Variants in SPECC1L observed in about 807,000 individuals in gnomAD.
SPECC1L encodes the protein sperm antigen with calponin homology and coiled-coil domains 1 like.
In SPECC1L, 40 loss-of-function variants were observed where a neutral mutation model predicts 116.8. The observed-to-expected ratio is 0.34, with a 90% confidence interval of 0.27 to 0.45. The LOEUF is 0.45. Ranked by LOEUF, SPECC1L falls within the 20% of genes least tolerant of loss-of-function variation. The pLI, the probability that SPECC1L is intolerant of heterozygous loss-of-function variation, is 1.00. For synonymous variants in SPECC1L, 504 were observed against 500.6 expected (o/e 1.01, Z -0.09); for missense variants, 1,110 against 1,373.6 (o/e 0.81, Z 3.03).
At chr22:24,346,709 T>C (rs1395528680) in intron 10 of SPECC1L, among the ~76,000 whole-genome samples, 1 of 152,154 alleles carries the variant, frequency 6.6e-6, no homozygotes, top group African/African-American at 2.4e-5. Flanking sequence ...TTATCTTGAC[T>C]GTATCAGTAA....
At chr22:24,392,582 G>A (rs2042292455) in intron 14 of SPECC1L, among the ~76,000 whole-genome samples, 1 of 152,188 alleles carries the variant, frequency 6.6e-6, no homozygotes, top group Admixed American at 6.5e-5. Flanking sequence ...ATGCCCTGTT[G>A]CTGCCTCATG....
chr22:24,395,307 G>A (rs1055541933), intron 14 of SPECC1L, among the ~76,000 whole-genome samples: 2 of 152,072 alleles, frequency 1.3e-5, no homozygotes, highest in African/African-American at 2.4e-5. Flanking sequence ...TTCCCAATAC[G>A]ATGTGAGGTA....
rs1001869530 is a variant in SPECC1L, at chr22:24,415,045, G to T, written c.*422G>T. On this transcript the variant is annotated 3_prime_UTR_variant, in exon 17 of 17. Coordinates refer to ENST00000314328, the MANE Select transcript of SPECC1L (RefSeq NM_015330.6). ...GCGGCACTTCCTGACTATTGGCTGG[G>T]GTGGGTTCCGGTGCTGGTGAGAACC... 2.4e-5 allele frequency: 6 copies of T among 249,810 alleles called. No individual in the cohort carries two copies. The highest frequency in any genetic ancestry group is 3.2e-5 in the Non-Finnish European group (4 of 124,286). 15.5% of individuals were successfully genotyped at this position (249,810 alleles called of 1,614,324 possible).
In SPECC1L at chr22:24,322,286, G is replaced by A. The variant is rs1413701082; in HGVS notation, c.1306G>A (p.Glu436Lys). Residue 436 changes from glutamate to lysine, a missense_variant, in exon 5 of 17, where the codon GAA becomes AAA. Glu to Lys is a moderately conservative substitution (Grantham distance 56, BLOSUM62 1). This residue lies in a region of SPECC1L where 22 missense variants were observed against 60.1 expected (regional missense o/e 0.37). Transcript: ENST00000314328. ...QITQELNSENERLGEEKVILM... is the reference protein window; with the variant it reads ...QITQELNSENKRLGEEKVILM... The stretch of plus-strand genomic sequence containing the variant: ...TACCCAGGAACTGAATAGTGAAAAC[G>A]AAAGGCTTGGAGAAGAGAAGGTTAT... The A allele has an allele frequency of 6.2e-7, 1 of 1,614,200 alleles. No individual in the cohort carries two copies. The highest frequency in any genetic ancestry group is 8.5e-7 in the Non-Finnish European group (1 of 1,180,048).
At position 24,414,740 on chromosome 22, in the gene SPECC1L, A is replaced by T; in HGVS notation, c.*117A>T. On this transcript the variant is annotated 3_prime_UTR_variant, in exon 17 of 17. Transcript: ENST00000314328. ...TTCCAGCAACTCTGGGCTGCCCCAC[A>T]GCGTGTGAGCCTCCAGCTCGGGGCT... The T allele has an allele frequency of 1.2e-6, 1 of 854,782 alleles. No individual in the cohort carries two copies. Among genetic ancestry groups the T allele is most frequent in the Non-Finnish European group, 1.9e-6 (1 of 523,520 alleles). 52.9% of individuals were successfully genotyped at this position (854,782 alleles called of 1,614,324 possible).
At chr22:24,305,053 A>G (rs2049463942) in intron 3 of SPECC1L, among the ~76,000 whole-genome samples, 1 of 152,232 alleles carries the variant, frequency 6.6e-6, no homozygotes, top group Admixed American at 6.5e-5. Context: ...ACATGCCTTT[A>G]CAGAATTTTG....
chr22:24,350,177 T>G (rs1318062698), intron 11 of SPECC1L, among the ~76,000 whole-genome samples: 1 of 152,084 alleles, frequency 6.6e-6, no homozygotes, highest in East Asian at 1.9e-4. Context: ...AGCAAGGCCC[T>G]AAGTACCATA....
chr22:24,284,595 C>T lies in SPECC1L; in HGVS notation c.-38+7792C>T, dbSNP rs534071198. ...GACTACAGGCACCCACTACCACATCCGGCTAATTTTTTTGTATTTTTAGTA... is the reference window on the plus strand; with the variant it reads ...GACTACAGGCACCCACTACCACATCTGGCTAATTTTTTTGTATTTTTAGTA... On this transcript the variant is annotated intron_variant, in intron 2 of 16. Transcript: ENST00000314328. 2.0e-4 allele frequency among the ~76,000 whole-genome samples: 30 copies of T among 152,074 alleles called. No individual in the cohort carries two copies. The East Asian group carries it at 4.8e-3, about 25-fold the overall frequency.
At chr22:24,409,004 G>A (rs1030843473) in intron 14 of SPECC1L, among the ~76,000 whole-genome samples, 7 of 152,232 alleles carry the variant, frequency 4.6e-5, no homozygotes, top group African/African-American at 1.7e-4. Context: ...GCAGCTCTGA[G>A]CCTGGGTTCC....
chr22:24,352,745 A>G (rs2041451650), intron 11 of SPECC1L, among the ~76,000 whole-genome samples: 1 of 152,174 alleles, frequency 6.6e-6, no homozygotes, highest in South Asian at 2.1e-4. Flanking sequence ...TTTACAGTCT[A>G]ATTGGATATT....
At chr22:24,306,838 A>G (rs1157701551) in intron 3 of SPECC1L, among the ~76,000 whole-genome samples, 1 of 152,062 alleles carries the variant, frequency 6.6e-6, no homozygotes, top group Non-Finnish European at 1.5e-5. Flanking sequence ...CCTGACAACC[A>G]CCATTCTACT....
chr22:24,328,122 A>G (rs1368691641), intron 6 of SPECC1L, among the ~76,000 whole-genome samples: 5 of 152,196 alleles, frequency 3.3e-5, no homozygotes, highest in Non-Finnish European at 7.3e-5. Flanking sequence ...TAGAACCTCC[A>G]AAGAGAAGGT....
chr22:24,292,004 AG>A (rs939593287), intron 2 of SPECC1L, among the ~76,000 whole-genome samples: 12 of 152,194 alleles, frequency 7.9e-5, no homozygotes, highest in African/African-American at 2.7e-4. Flanking sequence ...GGTGAATAGG[AG>A]GAACTGAAAG....
intron 4 of SPECC1L, among the ~76,000 whole-genome samples, chr22:24,316,346 C>T (rs978095206): frequency 2.7e-5 from 4 of 149,856 alleles, no homozygotes; most frequent in Non-Finnish European, 5.9e-5. Context: ...GGCAGGGTCA[C>T]AGGACAATAG....
intron 14 of SPECC1L, among the ~76,000 whole-genome samples, chr22:24,373,319 C>G (rs1433757289): frequency 6.6e-6 from 1 of 152,198 alleles, no homozygotes; most frequent in Admixed American, 6.5e-5. Flanking sequence ...ATTGCCAAGT[C>G]AATCCTAAGC....
rs113741141 is a variant in SPECC1L at position 24,302,200 on chromosome 22, C to T, written c.-32C>T. ...ATGCCATTTTTTTCCCACAGATTTG[C>T]TTGTAAATGCATCACGAAGAGGCAG... On this transcript the variant is annotated 5_prime_UTR_variant, in exon 3 of 17. Coordinates refer to ENST00000314328, the MANE Select transcript of SPECC1L (RefSeq NM_015330.6). The T allele has an allele frequency of 6.2e-7, 1 of 1,613,176 alleles. No homozygotes were observed. The highest frequency in any genetic ancestry group is 8.5e-7 in the Non-Finnish European group (1 of 1,179,476).
chr22:24,379,365 G>GCA (rs1402850580), intron 14 of SPECC1L, among the ~76,000 whole-genome samples: 1 of 151,264 alleles, frequency 6.6e-6, no homozygotes, highest in Non-Finnish European at 1.5e-5. Flanking sequence ...GGACAACAGA[G>GCA]CAAGACCCTG....
At position 24,414,639 on chromosome 22, in the gene SPECC1L, C is replaced by T. The variant is rs1378430686; in HGVS notation, c.*16C>T. The T allele has an allele frequency of 6.2e-7, 1 of 1,610,904 alleles. No homozygotes were observed. ...TGAGACCTGAGCATGCCGGGAGGAG[C>T]CGCCCCAATAGCGGGGGTACCCCTC... On this transcript the variant is annotated 3_prime_UTR_variant, in exon 17 of 17. Coordinates refer to ENST00000314328, the MANE Select transcript of SPECC1L (RefSeq NM_015330.6).
At chr22:24,293,619 C>A (rs1330247904) in intron 2 of SPECC1L, among the ~76,000 whole-genome samples, 3 of 151,650 alleles carry the variant, frequency 2.0e-5, no homozygotes, top group Non-Finnish European at 4.4e-5. Context: ...AGCTCAGTTT[C>A]TAGATCGAGG....
Sources: gnomAD v4.1 joint callset for allele counts (sites outside exome capture counted in the v4.1 genomes callset) on GRCh38, gnomAD v4.1.1 for gene constraint, gnomAD v4.1.1 regional missense constraint, MANE v1.5 for transcripts, NCBI Gene and HGNC (gene_info 2026-07-23, HGNC 2026-07-21) for gene names.